SYNE2: variants seen among roughly 807,000 people sequenced by gnomAD.
The protein encoded by SYNE2 is spectrin repeat containing nuclear envelope protein 2.
SYNE2 carries 431 observed loss-of-function variants against 856.3 expected under a neutral mutation model. The ratio of observed to expected loss-of-function variants is 0.50; its 90% CI spans 0.47 to 0.55. The LOEUF (loss-of-function observed/expected upper bound fraction) is 0.55. Among genes scored for constraint, SYNE2 ranks in the 20% least tolerant of loss-of-function variants. The pLI, the probability that SYNE2 is intolerant of heterozygous loss-of-function variation, is 0.00. For missense variants in SYNE2, 8,129 were observed against 8,023.2 expected (o/e 1.01, Z -0.50); for synonymous variants, 2,923 against 2,872.3 (o/e 1.02, Z -0.56).
chr14:64,130,057 G>A lies in SYNE2; in HGVS notation c.14149G>A (p.Asp4717Asn). ...GCTCTTCTCTTTTCAGGATGTACTTGACAGTATGTGGGGAATGCTAAGAGC... is the reference window on the plus strand; with the variant it reads ...GCTCTTCTCTTTTCAGGATGTACTTAACAGTATGTGGGGAATGCTAAGAGC... ...QEVYKLEDVLDSMWGMLRARY... is the reference protein window; with the variant it reads ...QEVYKLEDVLNSMWGMLRARY... The change falls in exon 76 of 116, where the codon GAC becomes AAC. Residue 4717 changes from aspartate to asparagine, a missense_variant. By Grantham distance (23) the Asp-to-Asn change is conservative. This residue lies in a region of SYNE2 where 5,410 missense variants were observed against 5,284.8 expected (regional missense o/e 1.02). Transcript: ENST00000555002. 6.2e-7 allele frequency: 1 copy of A among 1,613,806 alleles called. No homozygotes were observed. Among genetic ancestry groups the A allele is most frequent in the Non-Finnish European group, 8.5e-7 (1 of 1,180,026 alleles).
chr14:64,159,658 T>C (rs981576490), intron 87 of SYNE2, among the ~76,000 whole-genome samples: 4 of 152,152 alleles, frequency 2.6e-5, no homozygotes, highest in African/African-American at 7.2e-5. Flanking sequence ...ATAATTAGTC[T>C]AGAAATGGCC....
rs71444641 is a variant in SYNE2, at chr14:64,049,429, AAATAATAAT to A, written c.7378-160_7378-152del. ...ACCCTGCACTCCAGCCTGGGTGACA[AAATAATAAT>A]AATAATAATAATAATAATAATTTTT... On this transcript the variant is annotated intron_variant, in intron 46 of 115. Transcript: ENST00000555002. 8.8e-5 allele frequency: 15 copies of A among 169,708 alleles called. 2 individuals carry two copies. The East Asian group carries it at 1.5e-3, about 17-fold the overall frequency. The allele number at this position is 169,708 out of a possible 1,614,324, so 10.5% of individuals were successfully genotyped here. A position where few individuals can be genotyped will look rare whatever the true frequency, so the allele number is the denominator to read the frequency against.
intron 11 of SYNE2, among the ~76,000 whole-genome samples, chr14:63,969,636 C>T (rs1408448435): frequency 3.3e-5 from 5 of 151,866 alleles, no homozygotes; most frequent in Admixed American, 6.6e-5. Context: ...CCACTGTGCC[C>T]GGCCCTTATT....
At chr14:64,021,730 A>G in intron 36 of SYNE2, 127 bp from the exon 37 acceptor site, 1 of 1,106,088 alleles carries the variant, frequency 9.0e-7, no homozygotes, top group Non-Finnish European at 1.3e-6. Flanking sequence ...ATTTACTAGC[A>G]AAGAGAAAGT....
chr14:63,853,421 G>A (rs1890880770), intron 1 of SYNE2, among the ~76,000 whole-genome samples: 1 of 151,478 alleles, frequency 6.6e-6, no homozygotes, highest in Admixed American at 6.6e-5. Flanking sequence ...TGTCTCTCTG[G>A]GTTCTTTGTG....
chr14:64,162,395 G>A, intron 88 of SYNE2, 119 bp downstream of exon 88: 2 of 1,091,006 alleles, frequency 1.8e-6, no homozygotes, highest in Admixed American at 1.9e-5. Context: ...GACAGGTGCT[G>A]TGAACTTGCC....
intron 25 of SYNE2, among the ~76,000 whole-genome samples, chr14:63,997,762 T>G (rs192976279): frequency 4.6e-5 from 7 of 152,336 alleles, no homozygotes; most frequent in African/African-American, 1.2e-4. Flanking sequence ...TGCCTTTTCT[T>G]CTGCTGCATT....
chr14:64,215,146 CT>C (rs758804990), intron 106 of SYNE2, 139 bp from the exon 107 acceptor site: 22 of 833,270 alleles, frequency 2.6e-5, no homozygotes, highest in Non-Finnish European at 3.8e-5. Flanking sequence ...AAAAATCTTT[CT>C]GGTTTTCAAA....
chr14:63,851,142 C>T (rs1890412648), upstream of SYNE2, among the ~76,000 whole-genome samples: 1 of 152,110 alleles, frequency 6.6e-6, no homozygotes, highest in Admixed American at 6.5e-5. Context: ...GTGGATGGAT[C>T]ACGAGGTCAG....
chr14:64,225,819 G>GAATTCTGGTTTGTTTGT lies in SYNE2; in HGVS notation c.*296_*312dup. On this transcript the variant is annotated 3_prime_UTR_variant, in exon 116 of 116. Coordinates refer to ENST00000555002, the MANE Select transcript of SYNE2 (RefSeq NM_182914.3). ...TTTCCTGAAGAGCCAAGCACTTTGT[G>GAATTCTGGTTTGTTTGT]AATTCTGGTTTGTTTGTAAAACAGC... 1.7e-6 allele frequency: 1 copy of GAATTCTGGTTTGTTTGT among 589,700 alleles called. No homozygotes were observed. Among genetic ancestry groups the GAATTCTGGTTTGTTTGT allele is most frequent in the Non-Finnish European group, 3.0e-6 (1 of 330,904 alleles). 36.5% of individuals were successfully genotyped at this position (589,700 alleles called of 1,614,324 possible).
At chr14:64,126,525 C>A in intron 72 of SYNE2, 46 bp downstream of exon 72, 1 of 1,614,054 alleles carries the variant, frequency 6.2e-7, no homozygotes, top group Non-Finnish European at 8.5e-7. Flanking sequence ...TACAGCAGCC[C>A]CGTGAGTTAA....
intron 1 of SYNE2, among the ~76,000 whole-genome samples, chr14:63,882,513 C>T (rs932116736): frequency 1.3e-5 from 2 of 150,492 alleles, no homozygotes; most frequent in African/African-American, 4.9e-5. Context: ...TCCAGGAGTT[C>T]GAGACCAGCA....
At chr14:63,902,646 T>TA (rs1385008034) in intron 1 of SYNE2, among the ~76,000 whole-genome samples, 2 of 151,850 alleles carry the variant, frequency 1.3e-5, no homozygotes, top group African/African-American at 2.4e-5. Context: ...ATCTAGCCCT[T>TA]AGCTAAATCT....
intron 1 of SYNE2, among the ~76,000 whole-genome samples, chr14:63,839,931 C>A (rs1006702460): frequency 6.6e-6 from 1 of 152,074 alleles, no homozygotes; most frequent in Non-Finnish European, 1.5e-5. Context: ...TTAGCTTAAG[C>A]TTGCTGAAGA....
Position 64,219,542 on chromosome 14 carries a change from C to T in SYNE2, c.19860+132C>T, listed in dbSNP as rs967703030. 7.9e-6 allele frequency: 7 copies of T among 889,884 alleles called. No homozygotes were observed. In the African/African-American group the frequency reaches 1.0e-4, roughly 13 times the overall value. The allele number at this position is 889,884 out of a possible 1,614,324, so 55.1% of individuals were successfully genotyped here. A position where few individuals can be genotyped will look rare whatever the true frequency, so the allele number is the denominator to read the frequency against. ...AGATGGTGTATGTAGAGGTCACTCTCTTCCATTTCAGTTCCATAGTTGGCA... is the reference window on the plus strand; with the variant it reads ...AGATGGTGTATGTAGAGGTCACTCTTTTCCATTTCAGTTCCATAGTTGGCA... On this transcript the variant is annotated intron_variant, in intron 110 of 115. Transcript: ENST00000555002.
intron 45 of SYNE2, among the ~76,000 whole-genome samples, chr14:64,046,092 A>G (rs945686418): frequency 1.3e-5 from 2 of 152,258 alleles, no homozygotes; most frequent in African/African-American, 4.8e-5. Context: ...TAACCTGAAA[A>G]TAAAAACGAG....
At chr14:64,150,007 CT>C (rs755126549) in intron 84 of SYNE2, among the ~76,000 whole-genome samples, 263 of 94,418 alleles carry the variant, frequency 2.8e-3, no homozygotes, top group African/African-American at 8.8e-3. Context: ...TTTTTCTTTT[CT>C]TTTTTTTTTT....
At chr14:64,123,191 C>T (rs537558445) in intron 70 of SYNE2, among the ~76,000 whole-genome samples, 2 of 152,240 alleles carry the variant, frequency 1.3e-5, no homozygotes, top group Admixed American at 6.5e-5. Context: ...CATGTGCCAA[C>T]GCCTGTGCCG....
chr14:63,843,928 C>G (rs1053571286), intron 1 of SYNE2, among the ~76,000 whole-genome samples: 1 of 152,124 alleles, frequency 6.6e-6, no homozygotes, highest in African/African-American at 2.4e-5. Context: ...AGAGCATTCC[C>G]ATATACTGCC....
Sources: allele counts gnomAD v4.1 joint callset (sites outside exome capture counted in the v4.1 genomes callset), GRCh38; gene constraint gnomAD v4.1.1; regional missense constraint gnomAD v4.1.1; transcripts MANE v1.5; gene names NCBI Gene and HGNC (gene_info 2026-07-23, HGNC 2026-07-21).